The following RFC3 variants were observed in gnomAD, a reference collection of about 807,000 sequenced individuals.
The protein encoded by RFC3 is A1 38 kDa subunit.
In RFC3, 41 loss-of-function variants were observed where a neutral mutation model predicts 45.1. The observed-to-expected ratio is 0.91, with a 90% CI of 0.71 to 1.18. The LOEUF is 1.18. Ranked by LOEUF, RFC3 falls within the 50% of genes most tolerant of loss-of-function variation. The pLI, the probability that RFC3 is intolerant of heterozygous loss-of-function variation, is 0.00. For synonymous variants in RFC3, 149 were observed against 144.0 expected (o/e 1.03, Z -0.25); for missense variants, 423 against 428.1 (o/e 0.99, Z 0.10).
intron 8 of RFC3, among the ~76,000 whole-genome samples, chr13:33,883,389 T>G (rs2137604898): frequency 6.6e-6 from 1 of 152,318 alleles, no homozygotes; most frequent in South Asian, 2.1e-4. Flanking sequence ...CACCTTTCCT[T>G]TAAGGGTTAT....
intron 8 of RFC3, among the ~76,000 whole-genome samples, chr13:33,949,375 C>A (rs1364591385): frequency 6.6e-6 from 1 of 152,184 alleles, no homozygotes; most frequent in Non-Finnish European, 1.5e-5. Flanking sequence ...CAGTCTCAGG[C>A]AGTTCTTTAT....
intron 8 of RFC3, among the ~76,000 whole-genome samples, chr13:33,931,750 C>T (rs541961538): frequency 6.6e-6 from 1 of 152,110 alleles, no homozygotes; most frequent in African/African-American, 2.4e-5. Flanking sequence ...GTCCTCCTCC[C>T]TTTCCTCTAA....
intron 8 of RFC3, among the ~76,000 whole-genome samples, chr13:33,884,294 T>G (rs1268877225): frequency 6.6e-6 from 1 of 152,210 alleles, no homozygotes; most frequent in Non-Finnish European, 1.5e-5. Flanking sequence ...GTGCTTGCTT[T>G]GGAGAAATTT....
Position 33,947,896 on chromosome 13 carries a change from A to G in RFC3, c.880-18191A>G, listed in dbSNP as rs190684784. ...AGGGTATCTAGCAGAAGAAATTTCT[A>G]AGTGGCAAAGCATTCAAGAGGAAGC... On this transcript the variant is annotated intron_variant, in intron 8 of 8. Coordinates refer to the RFC3 transcript ENST00000434425. Among the ~76,000 whole-genome samples, 5 of 152,316 alleles carry G rather than the reference A, an allele frequency of 3.3e-5. No homozygotes were observed. The East Asian group carries it at 9.6e-4, about 29-fold the overall frequency.
intron 8 of RFC3, among the ~76,000 whole-genome samples, chr13:33,886,464 T>A (rs2082524004): frequency 1.3e-5 from 2 of 150,290 alleles, no homozygotes; most frequent in South Asian, 2.1e-4. Context: ...GAGAATCGCT[T>A]GAACCTGGGA....
In RFC3 at chr13:33,848,127, G is replaced by A. The variant is rs148020475; in HGVS notation, c.879+12910G>A. ...TTATGCATCTAAACACCTATCTGAC[G>A]TTCGTTCACAGATACTTCAGAGACA... On this transcript the variant is annotated intron_variant, in intron 8 of 8. Transcript: ENST00000434425. 5.3e-5 allele frequency: 8 copies of A among 152,180 alleles called. 1 individual carries two copies. The highest frequency in any genetic ancestry group is 3.3e-4 in the Admixed American group (5 of 15,278). 9.4% of individuals were successfully genotyped at this position (152,180 alleles called of 1,614,324 possible). A position where few individuals can be genotyped will look rare whatever the true frequency, so the allele number is the denominator to read the frequency against.
intron 8 of RFC3, among the ~76,000 whole-genome samples, chr13:33,918,344 C>A (rs2082746362): frequency 6.6e-6 from 1 of 152,118 alleles, no homozygotes; most frequent in Admixed American, 6.6e-5. Flanking sequence ...CAGTCCTGAG[C>A]CAGGCTGCTA....
downstream of RFC3, among the ~76,000 whole-genome samples, chr13:33,967,224 T>G (rs896676382): frequency 1.3e-5 from 2 of 152,086 alleles, no homozygotes; most frequent in African/African-American, 2.4e-5. Context: ...AACAAATTTA[T>G]TAGCATGAGG....
At chr13:33,850,785 A>T (rs1404361393) in intron 8 of RFC3, 1 of 152,204 alleles carries the variant, frequency 6.6e-6, no homozygotes, top group Non-Finnish European at 1.5e-5. Flanking sequence ...GAATTAAGTT[A>T]GTTTTGTACA....
chr13:33,844,174 T>G (rs917774848), intron 8 of RFC3, among the ~76,000 whole-genome samples: 1 of 152,242 alleles, frequency 6.6e-6, no homozygotes, highest in African/African-American at 2.4e-5. Context: ...TCTCTTGTTC[T>G]CTCTTTTAAA....
chr13:33,881,876 TA>T (rs2082487171), intron 8 of RFC3, among the ~76,000 whole-genome samples: 1 of 152,212 alleles, frequency 6.6e-6, no homozygotes, highest in South Asian at 2.1e-4. Flanking sequence ...CTGCTCAAGC[TA>T]AACGCATGGC....
chr13:33,966,400 A>G, exon 9 of RFC3: 2 of 464,992 alleles, frequency 4.3e-6, no homozygotes, highest in Non-Finnish European at 3.9e-6. Flanking sequence ...TGTCTTTCTC[A>G]GAGGACAATA....
intron 8 of RFC3, among the ~76,000 whole-genome samples, chr13:33,897,660 G>T (rs2082609533): frequency 6.6e-6 from 1 of 152,000 alleles, no homozygotes; most frequent in African/African-American, 2.4e-5. Flanking sequence ...ACTGTATGCT[G>T]CCTTCAAAAA....
At chr13:33,823,783 A>G in intron 2 of RFC3, 134 bp from the exon 3 acceptor site, 1 of 523,926 alleles carries the variant, frequency 1.9e-6, no homozygotes, top group South Asian at 3.0e-5. Context: ...GAGTGGGATT[A>G]ACAAAGTTAA....
At chr13:33,865,657 A>T (rs1346140150) in intron 8 of RFC3, among the ~76,000 whole-genome samples, 1 of 152,204 alleles carries the variant, frequency 6.6e-6, no homozygotes, top group African/African-American at 2.4e-5. Context: ...TTCTGGATTC[A>T]ATGTACTAGA....
At chr13:33,953,274 T>C (rs1203640003) in intron 8 of RFC3, among the ~76,000 whole-genome samples, 1 of 151,018 alleles carries the variant, frequency 6.6e-6, no homozygotes, top group African/African-American at 2.4e-5. Flanking sequence ...GGCTGGACTT[T>C]GAGAAATATG....
chr13:33,818,880 AGT>A (rs1491558723), intron 1 of RFC3, among the ~76,000 whole-genome samples: 6 of 122,978 alleles, frequency 4.9e-5, no homozygotes, highest in African/African-American at 2.0e-4. Flanking sequence ...TCCTGAGATT[AGT>A]TTTTTTTTTT....
At chr13:33,915,576 G>A (rs2082727988) in intron 8 of RFC3, among the ~76,000 whole-genome samples, 2 of 152,064 alleles carry the variant, frequency 1.3e-5, no homozygotes, top group African/African-American at 4.8e-5. Context: ...GCCCATGCCA[G>A]AATTTTGTTT....
At chr13:33,890,140 G>C (rs1380175524) in intron 8 of RFC3, among the ~76,000 whole-genome samples, 2 of 152,176 alleles carry the variant, frequency 1.3e-5, no homozygotes, top group African/African-American at 4.8e-5. Flanking sequence ...AGGGTGTTGA[G>C]GTTCAGTATG....
Sources: allele counts gnomAD v4.1 joint callset (sites outside exome capture counted in the v4.1 genomes callset), GRCh38; gene constraint gnomAD v4.1.1; transcripts MANE v1.5; gene names NCBI Gene and HGNC (gene_info 2026-07-23, HGNC 2026-07-21).